Variants in PTPN12 observed in about 807,000 individuals in gnomAD.
The protein encoded by PTPN12 is protein tyrosine phosphatase non-receptor type 12.
In PTPN12, 29 loss-of-function variants were observed where a neutral mutation model predicts 97.6. The observed-to-expected ratio is 0.30, with a 90% CI of 0.22 to 0.41. The LOEUF (loss-of-function observed/expected upper bound fraction) is 0.41. PTPN12 is among the 10% of genes least tolerant of loss of function. The pLI, the probability that PTPN12 is intolerant of heterozygous loss-of-function variation, is 1.00. For synonymous variants in PTPN12, 327 were observed against 300.4 expected, an observed-to-expected ratio of 1.09 and a Z score of -0.91; for missense variants, 819 against 926.0, an observed-to-expected ratio of 0.88 and a Z score of 1.50.
At chr7:77,615,218 T>C (rs186289559) in intron 11 of PTPN12, among the ~76,000 whole-genome samples, 4 of 152,350 alleles carry the variant, frequency 2.6e-5, no homozygotes, top group Non-Finnish European at 5.9e-5. Flanking sequence ...CGTCCTTTTA[T>C]TGTGTTTGTA....
At chr7:77,564,903 A>G (rs1808193794) in intron 1 of PTPN12, among the ~76,000 whole-genome samples, 1 of 147,692 alleles carries the variant, frequency 6.8e-6, no homozygotes, top group Admixed American at 6.8e-5. Context: ...GATTACAGGC[A>G]TGCGCCACCA....
chr7:77,598,862 T>C (rs1187041526), intron 7 of PTPN12, among the ~76,000 whole-genome samples: 2 of 150,762 alleles, frequency 1.3e-5, no homozygotes, highest in African/African-American at 4.8e-5. Context: ...TTATAGTTTT[T>C]TGTAAGTAAA....
In PTPN12 at chr7:77,627,286, G is replaced by C; in HGVS notation, c.1607G>C (p.Trp536Ser). Residue 536 changes from tryptophan to serine, a missense_variant, in exon 13 of 18, where the codon TGG becomes TCG. By Grantham distance (177) the Trp-to-Ser change is radical. Around this residue, in one of 5 missense-constraint regions of PTPN12, gnomAD observed 607 missense variants for 577.3 expected, o/e 1.05. Transcript: ENST00000248594. Reference protein sequence around the residue: ...LPLDEKGHVTWSFHGPENAIP... With the variant: ...LPLDEKGHVTSSFHGPENAIP... Reference sequence around the variant, plus strand: ...CTTGATGAGAAAGGACATGTAACGTGGTCATTTCATGGACCTGAAAATGCC... The same window carrying C: ...CTTGATGAGAAAGGACATGTAACGTCGTCATTTCATGGACCTGAAAATGCC... 4 of 1,613,992 alleles carry C rather than the reference G, an allele frequency of 2.5e-6. No individual in the cohort carries two copies. The highest frequency in any genetic ancestry group is 3.4e-6 in the Non-Finnish European group (4 of 1,180,002).
intron 11 of PTPN12, among the ~76,000 whole-genome samples, chr7:77,615,505 G>A (rs1314606044): frequency 6.6e-6 from 1 of 152,168 alleles, no homozygotes; most frequent in Admixed American, 6.5e-5. Flanking sequence ...CCAGCTCTTT[G>A]GGATGCCAGG....
Position 77,573,099 on chromosome 7 carries a change from AAAAAAC to A in PTPN12, c.208+1919_208+1924del, listed in dbSNP as rs1562720845. Among the ~76,000 whole-genome samples, 1,044 of 134,854 alleles carry A rather than the reference AAAAAAC, an allele frequency of 7.7e-3. 341 individuals are homozygous for A. Among genetic ancestry groups the A allele is most frequent in the South Asian group, 0.023 (89 of 3,844 alleles). The allele number at this position is 134,854 out of a possible 152,430, so 88.5% of individuals were successfully genotyped here. A position where few individuals can be genotyped will look rare whatever the true frequency, so the allele number is the denominator to read the frequency against. ...CTCTATCTCAAAAAAAAAAAAAACA[AAAAAAC>A]AAAAAAAACCAGTGTACCTAGCACA... On this transcript the variant is annotated intron_variant, in intron 2 of 17. Coordinates refer to ENST00000248594, the MANE Select transcript of PTPN12 (RefSeq NM_002835.4).
At position 77,600,720 on chromosome 7, in the gene PTPN12, T is replaced by C. The variant is rs755477862; in HGVS notation, c.609T>C (p.Pro203=). Residue 203 remains proline (P), a synonymous_variant, in exon 8 of 18, where the codon CCT becomes CCC. Coordinates refer to ENST00000248594, the MANE Select transcript of PTPN12 (RefSeq NM_002835.4). ...TGAACTGGCCAGACCATGATGTTCC[T>C]TCATCATTTGATTCTATTCTGGACA... ...HYVNWPDHDV[P]SSFDSILDMI... 15 of 1,610,244 alleles carry C rather than the reference T, an allele frequency of 9.3e-6. No individual in the cohort carries two copies. The East Asian group carries it at 3.3e-4, about 36-fold the overall frequency.
At chr7:77,625,520 TCTCA>T (rs202145241) in intron 12 of PTPN12, among the ~76,000 whole-genome samples, 87 of 74,224 alleles carry the variant, frequency 1.2e-3, no homozygotes, top group East Asian at 5.5e-3. Context: ...TCTCTCTCTC[TCTCA>T]CTCTCACTCT....
At chr7:77,600,484 C>A (rs767196029) in intron 7 of PTPN12, among the ~76,000 whole-genome samples, 180 bp from the exon 8 acceptor site, 4 of 151,942 alleles carry the variant, frequency 2.6e-5, no homozygotes, top group Admixed American at 6.6e-5. Context: ...CATGTGAAGC[C>A]CTTAGGTATT....
chr7:77,556,165 A>G (rs867514120), intron 1 of PTPN12, among the ~76,000 whole-genome samples: 13 of 151,984 alleles, frequency 8.6e-5, no homozygotes, highest in Admixed American at 7.2e-4. Context: ...GGCTCAAGCA[A>G]TCCTCCCACC....
At chr7:77,633,394 G>A (rs1409015621) in intron 14 of PTPN12, among the ~76,000 whole-genome samples, 1 of 152,126 alleles carries the variant, frequency 6.6e-6, no homozygotes, top group Non-Finnish European at 1.5e-5. Context: ...CAGATCACGA[G>A]GTCAGGACAT....
intron 7 of PTPN12, among the ~76,000 whole-genome samples, chr7:77,598,560 A>G (rs1788093732): frequency 6.6e-6 from 1 of 152,002 alleles, no homozygotes; most frequent in African/African-American, 2.4e-5. Context: ...GTGCACACCT[A>G]TAATCCCAGC....
chr7:77,572,423 A>G (rs983699981), intron 2 of PTPN12, among the ~76,000 whole-genome samples: 23 of 152,152 alleles, frequency 1.5e-4, no homozygotes, highest in Admixed American at 1.5e-3. Context: ...GCCATTGATC[A>G]ATCCCTATTT....
At chr7:77,538,899 A>G (rs903081272) in intron 1 of PTPN12, 1 of 152,032 alleles carries the variant, frequency 6.6e-6, no homozygotes, top group Non-Finnish European at 1.5e-5. Context: ...GTTGCTCCTT[A>G]GTCTTGGCGG....
intron 7 of PTPN12, 88 bp downstream of exon 7, chr7:77,597,989 A>T: frequency 2.6e-6 from 4 of 1,518,166 alleles, no homozygotes; most frequent in Non-Finnish European, 3.5e-6. Context: ...ACACTTTGGG[A>T]GGCTGAAGTG....
intron 14 of PTPN12, among the ~76,000 whole-genome samples, chr7:77,632,940 A>G (rs1489711906): frequency 3.9e-5 from 6 of 152,114 alleles, no homozygotes; most frequent in Non-Finnish European, 8.8e-5. Context: ...CTGGGCGAAG[A>G]GCAAGATTTC....
chr7:77,630,202 C>T (rs115816370), intron 13 of PTPN12, among the ~76,000 whole-genome samples: 1,679 of 152,188 alleles, frequency 0.011, 35 homozygotes, highest in African/African-American at 0.038. Context: ...GGATTATTTA[C>T]TTTATAGATT....
chr7:77,559,393 GT>G (rs570713639), intron 1 of PTPN12, among the ~76,000 whole-genome samples: 1 of 152,122 alleles, frequency 6.6e-6, no homozygotes. Context: ...GATATGCTGA[GT>G]TTTTTACATG....
chr7:77,540,344 T>G lies in PTPN12; in HGVS notation c.99+2699T>G, dbSNP rs547352579. Among the ~76,000 whole-genome samples the G allele has an allele frequency of 2.0e-5, 3 of 151,130 alleles. No homozygotes were observed. In the East Asian group the frequency reaches 5.9e-4, roughly 30 times the overall value. ...CCTCCACCTCCCAGGTTCAAGCGATTCTCCTGCCTCAGCCTCCTGAGTAGC... is the reference window on the plus strand; with the variant it reads ...CCTCCACCTCCCAGGTTCAAGCGATGCTCCTGCCTCAGCCTCCTGAGTAGC... On this transcript the variant is annotated intron_variant, in intron 1 of 17. Transcript: ENST00000248594.
intron 11 of PTPN12, among the ~76,000 whole-genome samples, chr7:77,617,604 T>G (rs149729626): frequency 6.6e-6 from 1 of 152,170 alleles, no homozygotes; most frequent in Admixed American, 6.5e-5. Flanking sequence ...TAGTTGATAG[T>G]ATGTGTAACG....
Sources: allele counts gnomAD v4.1 joint callset (sites outside exome capture counted in the v4.1 genomes callset), GRCh38; gene constraint gnomAD v4.1.1; regional missense constraint gnomAD v4.1.1; transcripts MANE v1.5; gene names NCBI Gene and HGNC (gene_info 2026-07-23, HGNC 2026-07-21).